ZIM2: variants seen among roughly 807,000 people sequenced by gnomAD.
ZIM2 encodes zinc finger imprinted 2.
ZIM2 carries 14 observed loss-of-function variants against 38.6 expected under a neutral mutation model. The observed-to-expected ratio is 0.36, with a 90% confidence interval of 0.24 to 0.57. The LOEUF (loss-of-function observed/expected upper bound fraction) is 0.57. Among genes scored for constraint, ZIM2 ranks in the 20% least tolerant of loss-of-function variants. ZIM2 has a pLI of 0.81. For synonymous variants in ZIM2, 247 were observed against 245.8 expected, an observed-to-expected ratio of 1.00 and a Z score of -0.04; for missense variants, 680 against 695.1, an observed-to-expected ratio of 0.98 and a Z score of 0.24.
intron 9 of ZIM2, chr19:56,816,506 G>T: frequency 6.2e-7 from 1 of 1,613,042 alleles, no homozygotes; most frequent in Non-Finnish European, 8.5e-7. Context: ...TGGATTTTCT[G>T]ATGTTCTTTC....
intron 11 of ZIM2, among the ~76,000 whole-genome samples, chr19:56,779,813 G>T (rs567919988): frequency 1.3e-4 from 19 of 140,798 alleles, no homozygotes; most frequent in African/African-American, 5.0e-4. Context: ...CTAAAAAGGG[G>T]GCATGAGGGC....
intron 9 of ZIM2, among the ~76,000 whole-genome samples, chr19:56,790,733 G>T (rs898880233): frequency 2.6e-5 from 4 of 152,210 alleles, no homozygotes; most frequent in African/African-American, 4.8e-5. Context: ...TAGAGGAAAA[G>T]ACATAGTATA....
intron 2 of ZIM2, among the ~76,000 whole-genome samples, chr19:56,829,049 A>T (rs1044198031): frequency 6.6e-6 from 1 of 152,218 alleles, no homozygotes; most frequent in Non-Finnish European, 1.5e-5. Context: ...ATAAGAAAAA[A>T]AAGCTAAAAA....
chr19:56,830,254 A>G (rs1251602393), intron 2 of ZIM2, among the ~76,000 whole-genome samples: 1 of 152,252 alleles, frequency 6.6e-6, no homozygotes, highest in African/African-American at 2.4e-5. Flanking sequence ...CCAAACTAAC[A>G]AAGTCCAAAT....
rs1412131011 is a variant in ZIM2 at position 56,789,867 on chromosome 19, C to T, written c.570+5G>A. 1.3e-6 allele frequency: 2 copies of T among 1,550,958 alleles called. No homozygotes were observed. The highest frequency in any genetic ancestry group is 1.8e-6 in the Non-Finnish European group (2 of 1,137,658). On this transcript the variant is annotated splice_donor_5th_base_variant and intron_variant, in intron 10 of 12. Coordinates refer to ENST00000629319, the MANE Select transcript of ZIM2 (RefSeq NM_001387356.1). ...ATAACCATGTCAGAGGAAAGCCTGA[C>T]TCACCTGGGACCCAGCAGATGGCAG...
At chr19:56,816,311 T>A (rs1443044520) in intron 9 of ZIM2, 9 of 1,614,042 alleles carry the variant, frequency 5.6e-6, no homozygotes, top group Non-Finnish European at 7.6e-6. Context: ...TCAAAGAGGT[T>A]CTTTCGAGAA....
chr19:56,829,020 C>T (rs1416291369), intron 2 of ZIM2, among the ~76,000 whole-genome samples: 1 of 152,036 alleles, frequency 6.6e-6, no homozygotes, highest in East Asian at 1.9e-4. Flanking sequence ...ACAAATATAG[C>T]CAAGTAGATA....
At position 56,803,223 on chromosome 19, in the gene ZIM2, G is replaced by C. The variant is rs367759996; in HGVS notation, c.491-13272C>G. Among the ~76,000 whole-genome samples, 18 of 152,324 alleles carry C rather than the reference G, an allele frequency of 1.2e-4. No homozygotes were observed. The East Asian group carries it at 3.5e-3, about 29-fold the overall frequency. ...GACCCCCACATAACTTTGAAGGTGT[G>C]TAACAGCTTGAACCCTGCCACCCTC... On this transcript the variant is annotated intron_variant, in intron 9 of 12. Coordinates refer to ENST00000629319, the MANE Select transcript of ZIM2 (RefSeq NM_001387356.1).
intron 9 of ZIM2, among the ~76,000 whole-genome samples, chr19:56,795,591 C>G (rs1164185968): frequency 6.6e-6 from 1 of 152,218 alleles, no homozygotes; most frequent in African/African-American, 2.4e-5. Context: ...CACAGCCGCT[C>G]CTGGCCAAGT....
In ZIM2 at chr19:56,779,440, G is replaced by C. The variant is rs191580129; in HGVS notation, c.772C>G (p.Arg258Gly). ...HQFSKPDIISRLEEEESYAME... is the reference protein window; with the variant it reads ...HQFSKPDIISGLEEEESYAME... Reference sequence around the variant, plus strand: ...GCATATGATTCCTCCTCTTCCAGGCGTGAGATAATGTCAGGTTTAGAGAAC... The same window carrying C: ...GCATATGATTCCTCCTCTTCCAGGCCTGAGATAATGTCAGGTTTAGAGAAC... The change falls in exon 12 of 13, where the codon CGC (arginine) becomes GGC (glycine). Residue 258 changes from arginine to glycine, a missense_variant. Coordinates refer to ENST00000629319, the MANE Select transcript of ZIM2 (RefSeq NM_001387356.1). 1 of 1,613,778 alleles carries C rather than the reference G, an allele frequency of 6.2e-7. No homozygotes were observed.
At chr19:56,776,724 T>C (rs1470851019) in intron 12 of ZIM2, among the ~76,000 whole-genome samples, 1 of 152,200 alleles carries the variant, frequency 6.6e-6, no homozygotes. Flanking sequence ...AAAGGGACTC[T>C]AATCAGACTG....
At chr19:56,840,272 C>T (rs558617851) in intron 1 of ZIM2, among the ~76,000 whole-genome samples, 3 of 152,306 alleles carry the variant, frequency 2.0e-5, no homozygotes, top group East Asian at 1.9e-4. Flanking sequence ...GTCAGAAAGG[C>T]GCGGAGACCC....
chr19:56,806,050 C>T (rs1234908011), intron 9 of ZIM2, among the ~76,000 whole-genome samples: 1 of 152,046 alleles, frequency 6.6e-6, no homozygotes, highest in Non-Finnish European at 1.5e-5. Context: ...AATCTATGCC[C>T]AGTGGTTATA....
At chr19:56,805,182 T>G (rs2047697623) in intron 9 of ZIM2, among the ~76,000 whole-genome samples, 1 of 152,198 alleles carries the variant, frequency 6.6e-6, no homozygotes, top group African/African-American at 2.4e-5. Flanking sequence ...CTTCCACCTA[T>G]GAGATGCTGG....
At position 56,824,323 on chromosome 19, in the gene ZIM2, C is replaced by T. The variant is rs372112008; in HGVS notation, c.-46G>A. On this transcript the variant is annotated 5_prime_UTR_variant, in exon 4 of 13. Transcript: ENST00000629319. ...GAGTGACGAGCTTCTCACAGTTCTC[C>T]GGCTTTTTTGCTCGCACCCAAGGCT... 8.6e-5 allele frequency: 138 copies of T among 1,613,928 alleles called. 1 individual carries two copies. Among genetic ancestry groups the T allele is most frequent in the East Asian group, 6.9e-4 (31 of 44,866 alleles).
chr19:56,805,768 G>A (rs1219719306), intron 9 of ZIM2, among the ~76,000 whole-genome samples: 1 of 152,140 alleles, frequency 6.6e-6, no homozygotes, highest in African/African-American at 2.4e-5. Context: ...AGGCTGAGGA[G>A]GTTTTCCAGA....
chr19:56,784,048 ATGT>A (rs1054790248), intron 10 of ZIM2, among the ~76,000 whole-genome samples: 1 of 152,084 alleles, frequency 6.6e-6, no homozygotes. Context: ...TTTGCTCAAA[ATGT>A]TGTAGCAGTT....
intron 10 of ZIM2, among the ~76,000 whole-genome samples, chr19:56,784,189 G>A (rs181221172): frequency 2.6e-5 from 4 of 152,192 alleles, no homozygotes; most frequent in Non-Finnish European, 4.4e-5. Flanking sequence ...GAGCTTTGTA[G>A]TGCATGTGCA....
In ZIM2 at chr19:56,824,285, T is replaced by C. The variant is rs1701345406; in HGVS notation, c.-8A>G. The C allele has an allele frequency of 3.1e-6, 5 of 1,614,048 alleles. No individual in the cohort carries two copies. The East Asian group carries it at 1.1e-4, about 36-fold the overall frequency. The stretch of plus-strand genomic sequence containing the variant: ...ACCTTCTGGTTGGTACATCTCCTTG[T>C]AATTCTCCAGCAGAGTGACGAGCTT... On this transcript the variant is annotated 5_prime_UTR_variant, in exon 4 of 13. Coordinates refer to ENST00000629319, the MANE Select transcript of ZIM2 (RefSeq NM_001387356.1).
Sources: gnomAD v4.1 joint callset for allele counts (sites outside exome capture counted in the v4.1 genomes callset) on GRCh38, gnomAD v4.1.1 for gene constraint, MANE v1.5 for transcripts, NCBI Gene and HGNC (gene_info 2026-07-23, HGNC 2026-07-21) for gene names.